Variants in NR5A2 observed in about 807,000 individuals in gnomAD.
NR5A2 encodes nuclear receptor subfamily 5 group A member 2, also known as CYP7A promoter-binding factor.
Under a neutral mutation model 62.7 loss-of-function variants are expected in NR5A2, and 26 were observed. The observed-to-expected ratio is 0.41, with a 90% CI of 0.30 to 0.58. NR5A2 has a LOEUF of 0.58. Among genes scored for constraint, NR5A2 ranks in the 20% least tolerant of loss-of-function variants. The pLI is 0.22. For synonymous variants in NR5A2, 246 were observed against 241.7 expected (o/e 1.02, Z -0.16); for missense variants, 541 against 669.1 (o/e 0.81, Z 2.11).
chr1:200,049,529 A>G (rs1469517405), intron 5 of NR5A2, among the ~76,000 whole-genome samples: 2 of 152,204 alleles, frequency 1.3e-5, no homozygotes, highest in Non-Finnish European at 2.9e-5. Context: ...CTATGTTTAA[A>G]TTAATAATTA....
At chr1:200,062,096 C>T (rs1364239737) in intron 5 of NR5A2, among the ~76,000 whole-genome samples, 1 of 152,108 alleles carries the variant, frequency 6.6e-6, no homozygotes, top group African/African-American at 2.4e-5. Flanking sequence ...TGAAAATTCC[C>T]AGAATAATGT....
chr1:200,045,343 G>A (rs1267835114), intron 3 of NR5A2, 100 bp from the exon 4 acceptor site: 1 of 1,065,504 alleles, frequency 9.4e-7, no homozygotes, highest in Non-Finnish European at 1.3e-6. Context: ...GGCTCAAATA[G>A]TGCAATGAGA....
chr1:200,112,256 GGA>G (rs1208854819), intron 6 of NR5A2, among the ~76,000 whole-genome samples: 2 of 152,152 alleles, frequency 1.3e-5, no homozygotes, highest in Non-Finnish European at 2.9e-5. Flanking sequence ...GAATGTCTTT[GGA>G]GAGAGTCTAC....
intron 2 of NR5A2, among the ~76,000 whole-genome samples, chr1:200,041,944 C>T (rs1268209824): frequency 6.6e-6 from 1 of 152,110 alleles, no homozygotes; most frequent in Non-Finnish European, 1.5e-5. Context: ...TAGAAAAGAT[C>T]ACAGTTGGGA....
chr1:200,107,023 G>T (rs1006612874), intron 5 of NR5A2, among the ~76,000 whole-genome samples: 3 of 152,174 alleles, frequency 2.0e-5, no homozygotes, highest in Non-Finnish European at 4.4e-5. Flanking sequence ...TCAATTGCTC[G>T]AGTGGCGGGG....
At chr1:200,094,852 A>G (rs961212822) in intron 5 of NR5A2, among the ~76,000 whole-genome samples, 2 of 152,052 alleles carry the variant, frequency 1.3e-5, no homozygotes, top group Admixed American at 6.5e-5. Context: ...TTGAATGTCA[A>G]AATATGACTG....
At position 200,177,377 on chromosome 1, in the gene NR5A2, T is replaced by C. The variant is rs750307369; in HGVS notation, c.*3167T>C. The stretch of plus-strand genomic sequence containing the variant: ...TCTCAACAAAATGGAATTTTTTTTT[T>C]CAGTATTTCAATAAATATTGATATG... On this transcript the variant is annotated 3_prime_UTR_variant, in exon 8 of 8. Transcript: ENST00000367362. 2 of 152,478 alleles carry C rather than the reference T, an allele frequency of 1.3e-5. No individual in the cohort carries two copies. Among genetic ancestry groups the C allele is most frequent in the African/African-American group, 4.8e-5 (2 of 41,406 alleles). 9.4% of individuals were successfully genotyped at this position (152,478 alleles called of 1,614,324 possible).
At chr1:200,062,257 G>GTGTA (rs1490926111) in intron 5 of NR5A2, among the ~76,000 whole-genome samples, 4 of 151,600 alleles carry the variant, frequency 2.6e-5, no homozygotes, top group East Asian at 3.9e-4. Context: ...GTGTGTGTGT[G>GTGTA]TATCTGTGTC....
intron 7 of NR5A2, among the ~76,000 whole-genome samples, chr1:200,163,541 G>A (rs566098433): frequency 8.6e-4 from 131 of 151,746 alleles, no homozygotes; most frequent in African/African-American, 2.7e-3. Context: ...GAGTGCAGTG[G>A]CACTATCTTG....
intron 1 of NR5A2, 43 bp downstream of exon 1, chr1:200,027,954 C>T: frequency 1.5e-6 from 2 of 1,301,708 alleles, no homozygotes; most frequent in Non-Finnish European, 1.1e-6. Context: ...TATTCTGCTA[C>T]TACATACATA....
rs901544312 is a variant in NR5A2, at chr1:200,078,106, G to A, written c.1110+29288G>A. 5.9e-5 allele frequency among the ~76,000 whole-genome samples: 9 copies of A among 152,154 alleles called. No homozygotes were observed. The South Asian group carries it at 8.3e-4, about 14-fold the overall frequency. ...GCATTTCAAATTGCTCCAAACGTGG[G>A]CATCAGAACTTTCTGATTATTAAAC... On this transcript the variant is annotated intron_variant, in intron 5 of 7. Transcript: ENST00000367362.
At chr1:200,148,287 C>A in intron 7 of NR5A2, 1 of 195,078 alleles carries the variant, frequency 5.1e-6, no homozygotes, top group Non-Finnish European at 1.1e-5. Context: ...CATGGCTCTC[C>A]TGTTCTTGGG....
intron 5 of NR5A2, among the ~76,000 whole-genome samples, chr1:200,076,084 A>T (rs558510185): frequency 2.6e-5 from 4 of 152,298 alleles, no homozygotes; most frequent in Non-Finnish European, 5.9e-5. Context: ...ACCCAAGGAC[A>T]TAATAGACAA....
intron 7 of NR5A2, among the ~76,000 whole-genome samples, chr1:200,161,088 A>T (rs1653621010): frequency 6.6e-6 from 1 of 151,998 alleles, no homozygotes; most frequent in African/African-American, 2.4e-5. Flanking sequence ...CAGGATAAGG[A>T]CTAAGACCTC....
intron 7 of NR5A2, among the ~76,000 whole-genome samples, chr1:200,137,464 C>A (rs1667275510): frequency 1.3e-5 from 2 of 152,118 alleles, no homozygotes; most frequent in South Asian, 2.1e-4. Context: ...CCACACCTGG[C>A]CCAGATTTTA....
At chr1:200,128,464 A>C (rs1666823815) in intron 7 of NR5A2, among the ~76,000 whole-genome samples, 1 of 152,156 alleles carries the variant, frequency 6.6e-6, no homozygotes, top group Non-Finnish European at 1.5e-5. Flanking sequence ...CTTAGGTATG[A>C]CGTTTTCTTT....
chr1:200,044,692 T>C (rs1449195583), intron 3 of NR5A2, among the ~76,000 whole-genome samples: 4 of 152,122 alleles, frequency 2.6e-5, no homozygotes, highest in Admixed American at 6.5e-5. Flanking sequence ...AAAGTAAGAA[T>C]GTTTCTCTTT....
At chr1:200,093,398 T>C (rs1366771246) in intron 5 of NR5A2, among the ~76,000 whole-genome samples, 1 of 152,076 alleles carries the variant, frequency 6.6e-6, no homozygotes, top group East Asian at 1.9e-4. Flanking sequence ...ACTAATTCCT[T>C]GAAGAAATGG....
At position 200,127,709 on chromosome 1, in the gene NR5A2, A is replaced by AATATATATATATATATATAT; in HGVS notation, c.1378+6757_1378+6776dup. Among the ~76,000 whole-genome samples, 73 of 23,166 alleles carry AATATATATATATATATATAT rather than the reference A, an allele frequency of 3.2e-3. 1 individual carries two copies. The highest frequency in any genetic ancestry group is 9.0e-3 in the African/African-American group (45 of 5,010). The allele number at this position is 23,166 out of a possible 152,430, so 15.2% of individuals were successfully genotyped here. A position where few individuals can be genotyped will look rare whatever the true frequency, so the allele number is the denominator to read the frequency against. On this transcript the variant is annotated intron_variant, in intron 7 of 7. Coordinates refer to ENST00000367362, the MANE Select transcript of NR5A2 (RefSeq NM_205860.3). ...AAAAAAAAAAAAAAAAAAAAAAAAAAATATATATATATATATATATATGGT... is the reference window on the plus strand; with the variant it reads ...AAAAAAAAAAAAAAAAAAAAAAAAAAATATATATATATATATATATATATATATATATATATATATATGGT...
Sources: allele counts gnomAD v4.1 joint callset (sites outside exome capture counted in the v4.1 genomes callset), GRCh38; gene constraint gnomAD v4.1.1; transcripts MANE v1.5; gene names NCBI Gene and HGNC (gene_info 2026-07-23, HGNC 2026-07-21).